PHACTR1: variants seen among roughly 807,000 people sequenced by gnomAD.
PHACTR1 encodes the protein phosphatase and actin regulator 1, also known as RPEL repeat containing 1.
Under a neutral mutation model 69.2 loss-of-function variants are expected in PHACTR1, and 16 were observed. The ratio of observed to expected loss-of-function variants is 0.23; its 90% confidence interval spans 0.16 to 0.35. The LOEUF (loss-of-function observed/expected upper bound fraction) is 0.35. Among genes scored for constraint, PHACTR1 ranks in the 10% least tolerant of loss-of-function variants. The pLI is 1.00. For synonymous variants in PHACTR1, 312 were observed against 284.5 expected, an observed-to-expected ratio of 1.10 and a Z score of -0.97; for missense variants, 510 against 734.7, an observed-to-expected ratio of 0.69 and a Z score of 3.54.
intron 7 of PHACTR1, among the ~76,000 whole-genome samples, chr6:13,193,736 C>G (rs971243902): frequency 1.2e-4 from 18 of 152,044 alleles, no homozygotes; most frequent in South Asian, 6.2e-4. Context: ...CTTCATACGT[C>G]TATCTCCTGT....
intron 5 of PHACTR1, among the ~76,000 whole-genome samples, chr6:13,058,342 A>C (rs925084854): frequency 8.5e-5 from 13 of 152,286 alleles, no homozygotes; most frequent in Non-Finnish European, 1.5e-5. Context: ...CATAAGCTGC[A>C]GGGGTTGGCC....
At chr6:12,998,128 C>T (rs1320559179) in intron 4 of PHACTR1, among the ~76,000 whole-genome samples, 6 of 152,158 alleles carry the variant, frequency 3.9e-5, no homozygotes, top group South Asian at 2.1e-4. Context: ...AAATCAACTG[C>T]GCAATATGCA....
intron 4 of PHACTR1, among the ~76,000 whole-genome samples, chr6:13,015,762 A>G (rs1800089285): frequency 6.6e-6 from 1 of 152,220 alleles, no homozygotes; most frequent in African/African-American, 2.4e-5. Context: ...ACAGGTATGT[A>G]TTTTAACCTA....
In PHACTR1 at chr6:12,749,636, CCT is replaced by C; in HGVS notation, c.104-4_104-3del. ...CTCCCTCTCCCTCCGTCTCCTTCTC[CCT>C]CTCAGCTCGCCGGGCGACCCTGCTC... On this transcript the variant is annotated splice_region_variant and splice_polypyrimidine_tract_variant and intron_variant, in intron 3 of 14. Transcript: ENST00000332995. 6.3e-7 allele frequency: 1 copy of C among 1,587,444 alleles called. No individual in the cohort carries two copies. The highest frequency in any genetic ancestry group is 1.4e-5 in the African/African-American group (1 of 73,298).
intron 3 of PHACTR1, among the ~76,000 whole-genome samples, chr6:12,727,072 C>A (rs1489754787): frequency 6.6e-6 from 1 of 151,956 alleles, no homozygotes; most frequent in Non-Finnish European, 1.5e-5. Context: ...TCTCCATCAC[C>A]CTAGTCAGGA....
intron 11 of PHACTR1, among the ~76,000 whole-genome samples, chr6:13,277,247 A>T (rs1178952943): frequency 6.6e-6 from 1 of 152,308 alleles, no homozygotes; most frequent in African/African-American, 2.4e-5. Flanking sequence ...AGCTATTTAA[A>T]AATCTGATGA....
chr6:13,062,364 C>G (rs1312532563), intron 5 of PHACTR1, among the ~76,000 whole-genome samples: 1 of 152,172 alleles, frequency 6.6e-6, no homozygotes, highest in Non-Finnish European at 1.5e-5. Context: ...TGTTAGCCAA[C>G]CACTTTGCCT....
chr6:13,076,714 G>T (rs1320914695), intron 5 of PHACTR1, among the ~76,000 whole-genome samples: 4 of 152,110 alleles, frequency 2.6e-5, no homozygotes, highest in African/African-American at 9.6e-5. Flanking sequence ...AGGTTCCCTG[G>T]GGCTTTTGAA....
intron 4 of PHACTR1, among the ~76,000 whole-genome samples, chr6:12,985,644 A>G (rs1393921956): frequency 6.6e-6 from 1 of 151,442 alleles, no homozygotes; most frequent in Non-Finnish European, 1.5e-5. Flanking sequence ...GCCAAAACCT[A>G]GAAACAACTC....
At chr6:12,808,501 A>G (rs559389126) in intron 4 of PHACTR1, among the ~76,000 whole-genome samples, 6 of 152,374 alleles carry the variant, frequency 3.9e-5, no homozygotes, top group Admixed American at 3.9e-4. Flanking sequence ...AGTAAAAATT[A>G]GAACCCATCA....
At chr6:12,947,222 T>A (rs1275458681) in intron 4 of PHACTR1, among the ~76,000 whole-genome samples, 1 of 152,192 alleles carries the variant, frequency 6.6e-6, no homozygotes, top group African/African-American at 2.4e-5. Flanking sequence ...CAAGCCAAGT[T>A]CTTTCTGCTA....
intron 4 of PHACTR1, among the ~76,000 whole-genome samples, chr6:12,997,867 G>A (rs1189916114): frequency 1.3e-5 from 2 of 151,980 alleles, no homozygotes; most frequent in African/African-American, 4.8e-5. Flanking sequence ...GCAGGAGAAT[G>A]GTGTGAACCC....
intron 4 of PHACTR1, among the ~76,000 whole-genome samples, chr6:12,850,093 G>A (rs1779676441): frequency 6.6e-6 from 1 of 152,144 alleles, no homozygotes; most frequent in African/African-American, 2.4e-5. Flanking sequence ...TGACTGCATG[G>A]ACTGAAACTT....
At chr6:12,752,770 G>A (rs1001019236) in intron 4 of PHACTR1, among the ~76,000 whole-genome samples, 1 of 152,138 alleles carries the variant, frequency 6.6e-6, no homozygotes, top group Non-Finnish European at 1.5e-5. Context: ...CAGCTTGAGT[G>A]AAGGATATAC....
intron 8 of PHACTR1, among the ~76,000 whole-genome samples, chr6:13,220,272 G>C (rs1768401113): frequency 6.6e-6 from 1 of 152,166 alleles, no homozygotes; most frequent in African/African-American, 2.4e-5. Flanking sequence ...ATGCTGTTCA[G>C]TTTCTGCATG....
chr6:13,278,380 GCCA>G, intron 12 of PHACTR1, 51 bp downstream of exon 12: 2 of 1,527,462 alleles, frequency 1.3e-6, no homozygotes, highest in Non-Finnish European at 1.8e-6. Context: ...TGGGCTGCCT[GCCA>G]CACCTCTGCC....
intron 5 of PHACTR1, among the ~76,000 whole-genome samples, chr6:13,123,400 A>G (rs1819044208): frequency 6.6e-6 from 1 of 152,226 alleles, no homozygotes; most frequent in African/African-American, 2.4e-5. Flanking sequence ...AAGGACAAGA[A>G]GGAGAGCAAG....
chr6:13,121,751 T>G (rs1187880817), intron 5 of PHACTR1, among the ~76,000 whole-genome samples: 2 of 152,140 alleles, frequency 1.3e-5, no homozygotes, highest in African/African-American at 4.8e-5. Flanking sequence ...CACATCGATG[T>G]CTCTTTCAAT....
chr6:13,209,721 G>A (rs1474834288), intron 8 of PHACTR1, among the ~76,000 whole-genome samples: 7 of 152,182 alleles, frequency 4.6e-5, no homozygotes, highest in African/African-American at 1.7e-4. Context: ...TCTGGTCTCT[G>A]CTCCAACAGG....
Sources: allele counts gnomAD v4.1 joint callset (sites outside exome capture counted in the v4.1 genomes callset), GRCh38; gene constraint gnomAD v4.1.1; transcripts MANE v1.5; gene names NCBI Gene and HGNC (gene_info 2026-07-23, HGNC 2026-07-21).